Variants in BBS9 observed in about 807,000 individuals in gnomAD.
The protein encoded by BBS9 is protein PTHB1.
A neutral mutation model predicts 117.7 loss-of-function variants in BBS9; 89 were observed. The ratio of observed to expected loss-of-function variants is 0.76; its 90% confidence interval spans 0.64 to 0.90. The LOEUF (loss-of-function observed/expected upper bound fraction) is 0.90. Ranked by LOEUF, BBS9 falls within the 40% of genes least tolerant of loss-of-function variation. The probability of loss-of-function intolerance (pLI) is 0.00; values close to 1 mark genes in which losing one functional copy is unlikely to be tolerated. For missense variants in BBS9, 982 were observed against 1,042.2 expected (o/e 0.94, Z 0.80); for synonymous variants, 379 against 370.9 (o/e 1.02, Z -0.25).
chr7:33,518,375 C>T (rs1416185749), intron 20 of BBS9, among the ~76,000 whole-genome samples: 1 of 151,394 alleles, frequency 6.6e-6, no homozygotes, highest in Non-Finnish European at 1.5e-5. Context: ...CTCAGCCTCC[C>T]GAGTAGCTGG....
chr7:33,249,761 G>A (rs1157153773), intron 5 of BBS9, among the ~76,000 whole-genome samples: 1 of 152,068 alleles, frequency 6.6e-6, no homozygotes, highest in African/African-American at 2.4e-5. Flanking sequence ...AGGAGTCATT[G>A]TTAAGATATT....
chr7:33,320,748 A>G (rs1200659761), intron 9 of BBS9, among the ~76,000 whole-genome samples: 1 of 151,918 alleles, frequency 6.6e-6, no homozygotes, highest in Non-Finnish European at 1.5e-5. Flanking sequence ...TTTCCTCAGC[A>G]TTTGTTATTG....
chr7:33,196,960 T>C (rs1361863629), intron 5 of BBS9, among the ~76,000 whole-genome samples: 1 of 152,186 alleles, frequency 6.6e-6, no homozygotes, highest in African/African-American at 2.4e-5. Context: ...GTTTTTTACA[T>C]GATCATTTAA....
intron 5 of BBS9, among the ~76,000 whole-genome samples, chr7:33,220,030 C>T (rs141337363): frequency 0.27 from 40,615 of 152,020 alleles, 6,136 homozygotes; most frequent in Admixed American, 0.41. Flanking sequence ...ACTCCGGACA[C>T]GCCGCCTTTA....
intron 4 of BBS9, among the ~76,000 whole-genome samples, chr7:33,168,231 C>T (rs1319208866): frequency 6.6e-6 from 1 of 152,000 alleles, no homozygotes; most frequent in African/African-American, 2.4e-5. Flanking sequence ...TTTGGGAAGC[C>T]CATCAAATTG....
In BBS9 at chr7:33,365,910, C is replaced by T. The variant is rs117526048; in HGVS notation, c.1694-1857C>T. ...ATGTAATGACTGAACCATAGGAATA[C>T]GCAGAGAGACCTTAGCTGTAGGACC... On this transcript the variant is annotated intron_variant, in intron 16 of 22. Coordinates refer to ENST00000242067, the MANE Select transcript of BBS9 (RefSeq NM_198428.3). Among the ~76,000 whole-genome samples the T allele has an allele frequency of 6.8e-3, 1,038 of 152,310 alleles. 7 individuals are homozygous for T. The highest frequency in any genetic ancestry group is 0.012 in the Non-Finnish European group (815 of 68,016).
chr7:33,474,307 A>G (rs1841493829), intron 19 of BBS9, among the ~76,000 whole-genome samples: 1 of 152,236 alleles, frequency 6.6e-6, no homozygotes, highest in Non-Finnish European at 1.5e-5. Flanking sequence ...ATCCAAACAT[A>G]CATACACTAA....
intron 9 of BBS9, among the ~76,000 whole-genome samples, chr7:33,308,104 TA>T (rs1808419768): frequency 6.6e-6 from 1 of 152,178 alleles, no homozygotes; most frequent in South Asian, 2.1e-4. Context: ...TTCTGACTGG[TA>T]AAAGGCAGGT....
chr7:33,445,140 G>A lies in BBS9; in HGVS notation c.2115+56996G>A, dbSNP rs536393353. 2.0e-5 allele frequency among the ~76,000 whole-genome samples: 3 copies of A among 152,274 alleles called. No individual in the cohort carries two copies. The South Asian group carries it at 6.2e-4, about 32-fold the overall frequency. On this transcript the variant is annotated intron_variant, in intron 19 of 22. Coordinates refer to ENST00000242067, the MANE Select transcript of BBS9 (RefSeq NM_198428.3). ...TCACATTTTAAATTTTGATGGAACC[G>A]GTCTCTCTTGGAGAATCTGTGTAAG...
chr7:33,557,276 G>A (rs2129104734), intron 21 of BBS9, among the ~76,000 whole-genome samples: 1 of 152,186 alleles, frequency 6.6e-6, no homozygotes, highest in Non-Finnish European at 1.5e-5. Context: ...CATTTGCCAA[G>A]AATGTCTAGT....
chr7:33,595,421 C>T (rs1585408950), intron 21 of BBS9, among the ~76,000 whole-genome samples: 1 of 151,898 alleles, frequency 6.6e-6, no homozygotes, highest in Admixed American at 6.6e-5. Flanking sequence ...ATGCAGCCAA[C>T]AAACATGAAA....
At chr7:33,381,796 A>C (rs1368518651) in intron 17 of BBS9, among the ~76,000 whole-genome samples, 1 of 152,186 alleles carries the variant, frequency 6.6e-6, no homozygotes, top group Non-Finnish European at 1.5e-5. Flanking sequence ...AGCAAAGACC[A>C]GTGTGTTTGC....
chr7:33,459,678 A>G (rs1839170823), intron 19 of BBS9, among the ~76,000 whole-genome samples: 2 of 152,028 alleles, frequency 1.3e-5, no homozygotes, highest in Admixed American at 1.3e-4. Flanking sequence ...GGTTTGTCTT[A>G]TATATCTCTT....
intron 20 of BBS9, among the ~76,000 whole-genome samples, chr7:33,526,056 T>C (rs1402331381): frequency 6.6e-6 from 1 of 151,706 alleles, no homozygotes; most frequent in African/African-American, 2.4e-5. Context: ...TTCTTTTCTT[T>C]AAGAATGTTG....
intron 17 of BBS9, among the ~76,000 whole-genome samples, chr7:33,369,939 C>T (rs1416882238): frequency 2.0e-5 from 3 of 152,190 alleles, no homozygotes; most frequent in Admixed American, 6.5e-5. Context: ...TAGAATTGTC[C>T]TTGACTCTTG....
chr7:33,475,982 A>C (rs112355534), intron 19 of BBS9, among the ~76,000 whole-genome samples: 2 of 152,192 alleles, frequency 1.3e-5, no homozygotes, highest in Non-Finnish European at 2.9e-5. Flanking sequence ...TGGTGCAATA[A>C]ATACAGAGAG....
At chr7:33,211,863 T>G (rs1388734670) in intron 5 of BBS9, among the ~76,000 whole-genome samples, 1 of 151,652 alleles carries the variant, frequency 6.6e-6, no homozygotes, top group South Asian at 2.1e-4. Flanking sequence ...GTAAGGGTTT[T>G]TCTTTCCTTC....
rs1246627311 is a variant in BBS9 at position 33,504,356 on chromosome 7, T to C, written c.2116-1107T>C. On this transcript the variant is annotated intron_variant, in intron 19 of 22. Transcript: ENST00000242067. ...CTCTTTTCCAGTATCTCCGAGACAC[T>C]CTGAGGGCTGTTTCTGTACAGCCCC... Among the ~76,000 whole-genome samples the C allele has an allele frequency of 2.0e-5, 3 of 152,198 alleles. No individual in the cohort carries two copies. The East Asian group carries it at 5.8e-4, about 29-fold the overall frequency.
intron 19 of BBS9, among the ~76,000 whole-genome samples, chr7:33,394,437 G>C (rs936716544): frequency 2.6e-5 from 4 of 152,050 alleles, no homozygotes; most frequent in Admixed American, 2.6e-4. Flanking sequence ...ATCAGGAAAA[G>C]TAACTACTGG....
Sources: gnomAD v4.1 joint callset for allele counts (sites outside exome capture counted in the v4.1 genomes callset) on GRCh38, gnomAD v4.1.1 for gene constraint, MANE v1.5 for transcripts, NCBI Gene and HGNC (gene_info 2026-07-23, HGNC 2026-07-21) for gene names.